The following IRX4 variants were observed in gnomAD, a reference collection of about 807,000 sequenced individuals.
IRX4 encodes iroquois homeobox 4.
IRX4 carries 22 observed loss-of-function variants against 32.0 expected under a neutral mutation model. The observed-to-expected ratio is 0.69, with a 90% confidence interval of 0.49 to 0.98. The LOEUF is 0.98. IRX4 is among the 50% of genes least tolerant of loss of function. IRX4 has a pLI of 0.00. For missense variants in IRX4, 840 were observed against 744.2 expected (o/e 1.13, Z -1.50); for synonymous variants, 379 against 351.7 (o/e 1.08, Z -0.87).
In IRX4 at chr5:1,882,862, C is replaced by T. The variant is rs1735504433; in HGVS notation, c.-215G>A. ...CCGCGATTCCTTTAACTTCGCATTCCGGAGGCTCGAGGGGGCTCTGGGACC... is the reference window on the plus strand; with the variant it reads ...CCGCGATTCCTTTAACTTCGCATTCTGGAGGCTCGAGGGGGCTCTGGGACC... On this transcript the variant is annotated 5_prime_UTR_variant, in exon 1 of 5. Transcript: ENST00000231357. 2 of 371,814 alleles carry T rather than the reference C, an allele frequency of 5.4e-6. No homozygotes were observed. Among genetic ancestry groups the T allele is most frequent in the Non-Finnish European group, 9.6e-6 (2 of 209,062 alleles). 23.0% of individuals were successfully genotyped at this position (371,814 alleles called of 1,614,324 possible).
At position 1,880,927 on chromosome 5, in the gene IRX4, C is replaced by G. The variant is rs550078975; in HGVS notation, c.298-93G>C. Reference sequence around the variant, plus strand: ...GAGCCCCCCACTCCCAAAGGCTTGGCAAGGATTCCTGGGCAGCCCTACGCC... The same window carrying G: ...GAGCCCCCCACTCCCAAAGGCTTGGGAAGGATTCCTGGGCAGCCCTACGCC... On this transcript the variant is annotated intron_variant, in intron 2 of 4. Coordinates refer to ENST00000231357, the MANE Select transcript of IRX4 (RefSeq NM_016358.3). The G allele has an allele frequency of 4.1e-6, 4 of 986,800 alleles. 1 individual carries two copies. The highest frequency in any genetic ancestry group is 3.2e-5 in the African/African-American group (2 of 62,872). 61.1% of individuals were successfully genotyped at this position (986,800 alleles called of 1,614,324 possible).
At chr5:1,886,248 C>T (rs1257208960), upstream of IRX4, among the ~76,000 whole-genome samples, 4 of 152,248 alleles carry the variant, frequency 2.6e-5, no homozygotes, top group Non-Finnish European at 5.9e-5. Context: ...ACCAGTTCCC[C>T]GCACCAAGAG....
Position 1,879,814 on chromosome 5 carries a change from G to A in IRX4, c.426C>T (p.Ser142=), listed in dbSNP as rs762652908. The change falls in exon 4 of 5, where the codon AGC becomes AGT. Residue 142 remains serine, a synonymous_variant. Coordinates refer to ENST00000231357, the MANE Select transcript of IRX4 (RefSeq NM_016358.3). ...GCGTGGCGTTCTTGCGCCGCGTGCC[G>A]CTGTCCATGGTTCCATACCTGGAGA... ...YPYDRYGTMD[S]GTRRKNATRE... is the part of the protein sequence containing the mutation. 39 of 1,613,864 alleles carry A rather than the reference G, an allele frequency of 2.4e-5. No individual in the cohort carries two copies. The highest frequency in any genetic ancestry group is 3.1e-5 in the Non-Finnish European group (37 of 1,180,028).
chr5:1,880,259 G>A (rs780900502), intron 3 of IRX4: 178 of 770,076 alleles, frequency 2.3e-4, no homozygotes, highest in African/African-American at 2.2e-3. Context: ...TAAGTGTACC[G>A]TCTTTGGATA....
chr5:1,879,794 G>C lies in IRX4; in HGVS notation c.446C>G (p.Ala149Gly), dbSNP rs370403701. 9 of 1,614,074 alleles carry C rather than the reference G, an allele frequency of 5.6e-6. No homozygotes were observed. Among genetic ancestry groups the C allele is most frequent in the Non-Finnish European group, 7.6e-6 (9 of 1,180,028 alleles). The change falls in exon 4 of 5, where the codon GCC becomes GGC. Residue 149 changes from alanine (A) to glycine (G), a missense_variant. Ala to Gly is a moderately conservative substitution (Grantham distance 60, BLOSUM62 0). Coordinates refer to ENST00000231357, the MANE Select transcript of IRX4 (RefSeq NM_016358.3). The stretch of plus-strand genomic sequence containing the variant: ...GAGCGTGCTGGTGGTCTCGCGCGTG[G>C]CGTTCTTGCGCCGCGTGCCGCTGTC... The part of the protein sequence containing the change: ...TMDSGTRRKN[A>G]TRETTSTLKA...
chr5:1,883,583 C>T (rs935751134), upstream of IRX4, among the ~76,000 whole-genome samples: 2 of 152,244 alleles, frequency 1.3e-5, no homozygotes, highest in African/African-American at 4.8e-5. Context: ...TGGAGCCCGA[C>T]ACCCTGAGAC....
chr5:1,881,178 G>A (rs1256224592), intron 2 of IRX4: 1 of 376,646 alleles, frequency 2.7e-6, no homozygotes. Context: ...GGGAGAAGGA[G>A]TGGGGATTGT....
chr5:1,883,446 C>T (rs750042), upstream of IRX4, among the ~76,000 whole-genome samples: 468 of 152,324 alleles, frequency 3.1e-3, 2 homozygotes, highest in African/African-American at 0.011. Context: ...AATCGAGAAT[C>T]AGCAACGCCT....
Position 1,881,892 on chromosome 5 carries a change from G to T in IRX4, c.213C>A (p.Gly71=). ...ATCCGCCATAGGGACCCCCATAGAC[G>T]CCCAGCGCCGCGGCCGAGTTGAGCT... ...RHELNSAAAL[G]VYGGPYGGSQ... The change falls in exon 2 of 5, where the codon GGC becomes GGA. Residue 71 remains glycine, a synonymous_variant. Coordinates refer to ENST00000231357, the MANE Select transcript of IRX4 (RefSeq NM_016358.3). The T allele has an allele frequency of 6.3e-7, 1 of 1,585,212 alleles. No homozygotes were observed. Among genetic ancestry groups the T allele is most frequent in the Admixed American group, 1.8e-5 (1 of 57,030 alleles).
intron 2 of IRX4, among the ~76,000 whole-genome samples, chr5:1,881,381 C>T (rs1301746216): frequency 7.9e-6 from 1 of 125,896 alleles, no homozygotes; most frequent in Non-Finnish European, 1.6e-5. Flanking sequence ...GGGGCGAAAG[C>T]AGGGGAGAGG....
At chr5:1,887,038 G>A (rs985012368), upstream of IRX4, 6 of 151,396 alleles carry the variant, frequency 4.0e-5, no homozygotes, top group African/African-American at 1.5e-4. Context: ...CGGGGCGGGG[G>A]CGGGAGCGGG....
At chr5:1,886,801 T>C (rs533977453), upstream of IRX4, 3 of 151,824 alleles carry the variant, frequency 2.0e-5, no homozygotes, top group South Asian at 6.2e-4. Context: ...GTAGCAAACT[T>C]TGTCCCCTTA....
At chr5:1,883,721 C>T (rs1735536533), upstream of IRX4, among the ~76,000 whole-genome samples, 1 of 152,214 alleles carries the variant, frequency 6.6e-6, no homozygotes, top group Non-Finnish European at 1.5e-5. Context: ...GCTCAGCCCA[C>T]CGCCCCCACC....
intron 1 of IRX4, among the ~76,000 whole-genome samples, 176 bp from the exon 2 acceptor site, chr5:1,882,235 G>C (rs565500816): frequency 1.3e-5 from 2 of 150,150 alleles, no homozygotes; most frequent in South Asian, 4.2e-4. Flanking sequence ...GGCCTCCTCC[G>C]CCACGTGGGG....
At chr5:1,886,707 C>G (rs999277507), upstream of IRX4, among the ~76,000 whole-genome samples, 1 of 151,938 alleles carries the variant, frequency 6.6e-6, no homozygotes, top group Non-Finnish European at 1.5e-5. Flanking sequence ...CCGAGCCCCC[C>G]ACCCCCCGCC....
At chr5:1,885,262 ATCT>A (rs1289885205), upstream of IRX4, among the ~76,000 whole-genome samples, 1 of 152,130 alleles carries the variant, frequency 6.6e-6, no homozygotes, top group Non-Finnish European at 1.5e-5. Flanking sequence ...GCGGCCATTC[ATCT>A]TCTGAGCAGA....
At position 1,878,496 on chromosome 5, in the gene IRX4, G is replaced by C; in HGVS notation, c.1033C>G (p.Gln345Glu). The change falls in exon 5 of 5, where the codon CAG (glutamine) becomes GAG (glutamate). Residue 345 changes from glutamine (Q) to glutamate (E), a missense_variant. This residue lies in a region of IRX4 where 585 missense variants were observed against 488.0 expected (regional missense o/e 1.20). Transcript: ENST00000231357. ...EPLPGAEGGP[Q>E]VCEAKLGFVP... ...AACCCCAGCTTGGCCTCGCAGACCT[G>C]AGGGCCGCCCTCTGCGCCCGGCAGT... 2 of 1,440,502 alleles carry C rather than the reference G, an allele frequency of 1.4e-6. No individual in the cohort carries two copies. The highest frequency in any genetic ancestry group is 1.8e-6 in the Non-Finnish European group (2 of 1,104,910). The allele number at this position is 1,440,502 out of a possible 1,614,324, so 89.2% of individuals were successfully genotyped here.
chr5:1,880,665 G>T, intron 3 of IRX4, 60 bp downstream of exon 3: 1 of 1,128,914 alleles, frequency 8.9e-7, no homozygotes, highest in Non-Finnish European at 1.3e-6. Context: ...AGGGGAGTTG[G>T]TGGCTGACAG....
Position 1,879,554 on chromosome 5 carries a change from C to CCCT in IRX4, c.683_685dup (p.Glu228dup). ...CTCCTCCCGCGCCTCCTCCTCGCCC[C>CCCT]CCTCCTCCTCCTCGCCCTCCGCGTA... On this transcript the variant is annotated inframe_insertion, in exon 4 of 5. Transcript: ENST00000231357. 1.2e-6 allele frequency: 2 copies of CCCT among 1,613,084 alleles called. No individual in the cohort carries two copies. Among genetic ancestry groups the CCCT allele is most frequent in the Non-Finnish European group, 1.7e-6 (2 of 1,179,828 alleles).
Sources: gnomAD v4.1 joint callset for allele counts (sites outside exome capture counted in the v4.1 genomes callset) on GRCh38, gnomAD v4.1.1 for gene constraint, gnomAD v4.1.1 regional missense constraint, MANE v1.5 for transcripts, NCBI Gene and HGNC (gene_info 2026-07-23, HGNC 2026-07-21) for gene names.